Variants in YWHAE observed in about 807,000 individuals in gnomAD.
YWHAE encodes 14-3-3 protein epsilon.
In YWHAE, 4 loss-of-function variants were observed where a neutral mutation model predicts 30.1. That is an observed-to-expected ratio of 0.13 (90% confidence interval 0.07 to 0.30). The LOEUF (loss-of-function observed/expected upper bound fraction) is 0.30. Ranked by LOEUF, YWHAE falls within the 10% of genes least tolerant of loss-of-function variation. The pLI is 1.00. For synonymous variants in YWHAE, 118 were observed against 111.8 expected, an observed-to-expected ratio of 1.06 and a Z score of -0.35; for missense variants, 121 against 315.9, an observed-to-expected ratio of 0.38 and a Z score of 4.68.
intron 4 of YWHAE, among the ~76,000 whole-genome samples, chr17:1,355,126 A>C (rs1598229381): frequency 8.2e-4 from 40 of 48,938 alleles, no homozygotes; most frequent in African/African-American, 1.4e-3. Flanking sequence ...TAAAAAAAAA[A>C]AAAAAAAAAA....
At chr17:1,371,287 G>A (rs1746098999) in intron 1 of YWHAE, among the ~76,000 whole-genome samples, 1 of 152,096 alleles carries the variant, frequency 6.6e-6, no homozygotes, top group African/African-American at 2.4e-5. Flanking sequence ...GTTTTGCCAT[G>A]TTCCTCAGGC....
chr17:1,365,202 T>TA (rs2072923814), intron 1 of YWHAE, 144 bp from the exon 2 acceptor site: 1 of 942,374 alleles, frequency 1.1e-6, no homozygotes, highest in African/African-American at 1.7e-5. Flanking sequence ...CTAATATGAG[T>TA]AAAAAGCCAA....
intron 1 of YWHAE, among the ~76,000 whole-genome samples, chr17:1,396,171 G>A (rs1286452396): frequency 6.6e-6 from 1 of 151,812 alleles, no homozygotes; most frequent in Non-Finnish European, 1.5e-5. Context: ...CTTAATGTCA[G>A]CACTTTGGGA....
At chr17:1,388,940 A>T (rs1401196031) in intron 1 of YWHAE, among the ~76,000 whole-genome samples, 2 of 152,110 alleles carry the variant, frequency 1.3e-5, no homozygotes, top group Non-Finnish European at 2.9e-5. Context: ...ATTACAATCA[A>T]ATACAAGTCA....
At chr17:1,394,461 A>AAAAAAAAAAAAC (rs2073436784) in intron 1 of YWHAE, among the ~76,000 whole-genome samples, 1 of 130,530 alleles carries the variant, frequency 7.7e-6, no homozygotes, top group African/African-American at 2.9e-5. Flanking sequence ...AAAAAAAAAA[A>AAAAAAAAAAAAC]CACAAAAATT....
At position 1,352,801 on chromosome 17, in the gene YWHAE, A is replaced by G. The variant is rs151122597; in HGVS notation, c.715+1410T>C. 7.2e-3 allele frequency among the ~76,000 whole-genome samples: 1,100 copies of G among 152,292 alleles called. 9 individuals carry two copies. Among genetic ancestry groups the G allele is most frequent in the African/African-American group, 0.025 (1,053 of 41,570 alleles). ...TGGCGTCCCAAAGTGCTGGGATTAT[A>G]GGCATGAGCCACCGCGCCCGGCACA... On this transcript the variant is annotated intron_variant, in intron 5 of 5. Coordinates refer to ENST00000264335, the MANE Select transcript of YWHAE (RefSeq NM_006761.5).
chr17:1,392,479 T>C (rs1410706353), intron 1 of YWHAE, among the ~76,000 whole-genome samples: 1 of 152,182 alleles, frequency 6.6e-6, no homozygotes, highest in Non-Finnish European at 1.5e-5. Context: ...ATGGATTCCA[T>C]TAGACAGCTA....
chr17:1,375,453 G>A (rs1295824506), intron 1 of YWHAE, among the ~76,000 whole-genome samples: 4 of 152,134 alleles, frequency 2.6e-5, no homozygotes, highest in Non-Finnish European at 5.9e-5. Context: ...GGTGGGGGAA[G>A]GCTGTCATGT....
At chr17:1,380,535 A>G (rs2073191166) in intron 1 of YWHAE, among the ~76,000 whole-genome samples, 1 of 150,336 alleles carries the variant, frequency 6.7e-6, no homozygotes, top group Non-Finnish European at 1.5e-5. Flanking sequence ...ATGAGATTGT[A>G]GAGTAAATTG....
chr17:1,370,947 T>A (rs2073033600), intron 1 of YWHAE, among the ~76,000 whole-genome samples: 1 of 151,876 alleles, frequency 6.6e-6, no homozygotes, highest in Non-Finnish European at 1.5e-5. Context: ...TGCAGTGAGC[T>A]GAGATAGTGC....
chr17:1,359,925 GA>G (rs1456207841), intron 4 of YWHAE, among the ~76,000 whole-genome samples: 11 of 59,734 alleles, frequency 1.8e-4, no homozygotes, highest in African/African-American at 1.1e-3. Flanking sequence ...CGGGGAGGGG[GA>G]GGGGGGGAGG....
chr17:1,400,147 G>T lies in YWHAE; in HGVS notation c.-37C>A, dbSNP rs376066964. ...CTCCGGCAGGGTCTGCGCGACGGAT[G>T]GAAGCGGATAGTGTCTCCGACTCTC... On this transcript the variant is annotated 5_prime_UTR_variant, in exon 1 of 6. Transcript: ENST00000264335. 1 of 1,612,580 alleles carries T rather than the reference G, an allele frequency of 6.2e-7. No homozygotes were observed. The highest frequency in any genetic ancestry group is 2.2e-5 in the East Asian group (1 of 44,872).
At chr17:1,376,533 T>C (rs914307048) in intron 1 of YWHAE, among the ~76,000 whole-genome samples, 1 of 152,144 alleles carries the variant, frequency 6.6e-6, no homozygotes, top group Non-Finnish European at 1.5e-5. Context: ...GGAGTCTTTG[T>C]ATGTTGCCCA....
chr17:1,375,498 A>C (rs2073108367), intron 1 of YWHAE, among the ~76,000 whole-genome samples: 2 of 152,148 alleles, frequency 1.3e-5, no homozygotes, highest in African/African-American at 4.8e-5. Context: ...TTAAGAACCA[A>C]AAAACTGAAA....
At chr17:1,352,750 C>T (rs1191611486) in intron 5 of YWHAE, among the ~76,000 whole-genome samples, 1 of 152,108 alleles carries the variant, frequency 6.6e-6, no homozygotes, top group Non-Finnish European at 1.5e-5. Flanking sequence ...TGGTCTCGAT[C>T]TCCTGACCGC....
chr17:1,394,347 TCA>T (rs2073431945), intron 1 of YWHAE, among the ~76,000 whole-genome samples: 1 of 144,858 alleles, frequency 6.9e-6, no homozygotes, highest in South Asian at 2.1e-4. Context: ...AAGCAGTGAC[TCA>T]CACCTGTAAT....
At chr17:1,354,700 T>C (rs1160916821) in intron 4 of YWHAE, among the ~76,000 whole-genome samples, 1 of 152,186 alleles carries the variant, frequency 6.6e-6, no homozygotes, top group Non-Finnish European at 1.5e-5. Context: ...TCTGGCTCTG[T>C]CGCCCAGGCT....
chr17:1,370,877 G>A (rs1338212358), intron 1 of YWHAE, among the ~76,000 whole-genome samples: 1 of 152,044 alleles, frequency 6.6e-6, no homozygotes, highest in Non-Finnish European at 1.5e-5. Context: ...GCGGGCGCCT[G>A]TAGTCCCAGC....
At chr17:1,397,000 C>T (rs772333107) in intron 1 of YWHAE, among the ~76,000 whole-genome samples, 21 of 151,272 alleles carry the variant, frequency 1.4e-4, no homozygotes, top group Non-Finnish European at 4.4e-5. Flanking sequence ...TGGTTCACTA[C>T]AACCTTCACC....
Sources: allele counts gnomAD v4.1 joint callset (sites outside exome capture counted in the v4.1 genomes callset), GRCh38; gene constraint gnomAD v4.1.1; transcripts MANE v1.5; gene names NCBI Gene and HGNC (gene_info 2026-07-23, HGNC 2026-07-21).